The following SYNE1 variants were observed in gnomAD, a reference collection of about 807,000 sequenced individuals.
SYNE1 encodes nesprin-1.
In SYNE1, 616 loss-of-function variants were observed where a neutral mutation model predicts 1,111.0. The ratio of observed to expected loss-of-function variants is 0.55; its 90% CI spans 0.52 to 0.59. The LOEUF is 0.59. SYNE1 is among the 20% of genes least tolerant of loss of function. The pLI, the probability that SYNE1 is intolerant of heterozygous loss-of-function variation, is 0.00. For synonymous variants in SYNE1, 3,855 were observed against 3,825.8 expected, an observed-to-expected ratio of 1.01 and a Z score of -0.28; for missense variants, 10,006 against 10,417.0, an observed-to-expected ratio of 0.96 and a Z score of 1.72.
At chr6:152,267,005 C>G (rs771872147) in intron 100 of SYNE1, among the ~76,000 whole-genome samples, 8 of 152,146 alleles carry the variant, frequency 5.3e-5, no homozygotes, top group Non-Finnish European at 1.0e-4. Context: ...CTTTATATCA[C>G]ATTTTTACTT....
At chr6:152,204,765 G>A (rs552676685) in intron 126 of SYNE1, among the ~76,000 whole-genome samples, 76 of 152,122 alleles carry the variant, frequency 5.0e-4, no homozygotes, top group Non-Finnish European at 7.9e-4. Context: ...AATGTCATGA[G>A]CCTGCAAATA....
chr6:152,469,669 A>AAATTTTTTTTAC (rs2098794032), intron 16 of SYNE1, among the ~76,000 whole-genome samples: 1 of 152,228 alleles, frequency 6.6e-6, no homozygotes, highest in Non-Finnish European at 1.5e-5. Flanking sequence ...GTTAAGTTAA[A>AAATTTTTTTTAC]AATTTTTTTT....
chr6:152,352,696 G>T (rs553719594), intron 69 of SYNE1, among the ~76,000 whole-genome samples: 1 of 152,296 alleles, frequency 6.6e-6, no homozygotes, highest in African/African-American at 2.4e-5. Context: ...GAGCCACTGT[G>T]CCTGGCCATT....
chr6:152,565,981 AG>A (rs1412533984), intron 3 of SYNE1, among the ~76,000 whole-genome samples: 2 of 152,250 alleles, frequency 1.3e-5, no homozygotes, highest in African/African-American at 4.8e-5. Flanking sequence ...TGATGGGAGC[AG>A]AGGGCACAGG....
At chr6:152,424,184 G>C (rs1309165136) in intron 39 of SYNE1, among the ~76,000 whole-genome samples, 2 of 152,318 alleles carry the variant, frequency 1.3e-5, no homozygotes, top group East Asian at 3.9e-4. Flanking sequence ...TAGGTGATTG[G>C]AGATCAGAAT....
At chr6:152,450,862 C>T in intron 26 of SYNE1, 29 bp from the exon 27 acceptor site, 1 of 1,609,686 alleles carries the variant, frequency 6.2e-7, no homozygotes, top group Non-Finnish European at 8.5e-7. Context: ...TTTTATAATC[C>T]CTGTGAGAAG....
chr6:152,450,258 G>C (rs2098636738), intron 27 of SYNE1, among the ~76,000 whole-genome samples: 1 of 152,184 alleles, frequency 6.6e-6, no homozygotes, highest in South Asian at 2.1e-4. Flanking sequence ...CTTCTGGCAT[G>C]ATTGTAAGTT....
In SYNE1 at chr6:152,201,473, C is replaced by CT. The variant is rs199617709; in HGVS notation, c.23145+350dup. 4.2e-3 allele frequency among the ~76,000 whole-genome samples: 583 copies of CT among 140,406 alleles called. 5 individuals are homozygous for CT. Among genetic ancestry groups the CT allele is most frequent in the African/African-American group, 0.013 (511 of 38,568 alleles). 92.1% of individuals were successfully genotyped at this position (140,406 alleles called of 152,430 possible). A position where few individuals can be genotyped will look rare whatever the true frequency, so the allele number is the denominator to read the frequency against. On this transcript the variant is annotated intron_variant, in intron 127 of 145. Coordinates refer to ENST00000367255, the MANE Select transcript of SYNE1 (RefSeq NM_182961.4). ...CTGCAGATTTTCCAGGCTGTTGATC[C>CT]TTTTTTTTTTTTTTCCTTCTTGTAG...
chr6:152,391,655 G>A, intron 51 of SYNE1, 87 bp from the exon 52 acceptor site: 1 of 1,445,192 alleles, frequency 6.9e-7, no homozygotes, highest in Non-Finnish European at 9.2e-7. Context: ...TGTTGATATT[G>A]GAGCAGTAAC....
chr6:152,453,508 C>T (rs749314573), intron 25 of SYNE1, 78 bp downstream of exon 25: 13 of 1,607,818 alleles, frequency 8.1e-6, no homozygotes, highest in South Asian at 7.7e-5. Flanking sequence ...CTAAATTTCT[C>T]TTACATTTGG....
At chr6:152,430,775 A>G in intron 34 of SYNE1, 66 bp from the exon 35 acceptor site, 1 of 1,389,416 alleles carries the variant, frequency 7.2e-7, no homozygotes, top group Non-Finnish European at 1.0e-6. Context: ...AAATGATACA[A>G]TTATCTGCAA....
intron 14 of SYNE1, among the ~76,000 whole-genome samples, chr6:152,477,384 A>T (rs2098841276): frequency 1.3e-5 from 2 of 152,300 alleles, no homozygotes; most frequent in South Asian, 4.1e-4. Flanking sequence ...GGGACCTTTT[A>T]GTAAAGGCCT....
chr6:152,431,724 C>T (rs1487157247), intron 34 of SYNE1, among the ~76,000 whole-genome samples: 6 of 152,014 alleles, frequency 3.9e-5, no homozygotes, highest in African/African-American at 7.2e-5. Context: ...AGATGAGACA[C>T]CATAGTCAGA....
intron 137 of SYNE1, chr6:152,146,024 CAAAAAAAAAAAAAAAA>C: frequency 2.1e-5 from 1 of 48,384 alleles, no homozygotes; most frequent in South Asian, 1.1e-3. Flanking sequence ...GACTTCGTCT[CAAAAAAAAAAAAAAAA>C]AAAAAAAAAA....
intron 97 of SYNE1, among the ~76,000 whole-genome samples, chr6:152,280,680 C>T (rs1360979867): frequency 6.6e-6 from 1 of 152,124 alleles, no homozygotes; most frequent in Non-Finnish European, 1.5e-5. Flanking sequence ...TATGATAAAA[C>T]ATAACTTTGA....
chr6:152,430,116 T>C lies in SYNE1; in HGVS notation c.4784A>G (p.His1595Arg). Residue 1595 changes from histidine (H) to arginine (R), a missense_variant, in exon 36 of 146, where the codon CAT becomes CGT. His to Arg is a conservative substitution (Grantham distance 29). Transcript: ENST00000367255. ...ATETYKVLQE[H>R]MDLCQALESL... Reference sequence around the variant, plus strand: ...AATGTTGAAGCATACTCTTACCATATGTTCTTGAAGAACTTTGTATGTTTC... The same window carrying C: ...AATGTTGAAGCATACTCTTACCATACGTTCTTGAAGAACTTTGTATGTTTC... The C allele has an allele frequency of 6.3e-7, 1 of 1,586,620 alleles. No homozygotes were observed. The highest frequency in any genetic ancestry group is 1.1e-5 in the South Asian group (1 of 89,042).
At chr6:152,632,273 T>C (rs943132337) in intron 2 of SYNE1, among the ~76,000 whole-genome samples, 9 of 152,200 alleles carry the variant, frequency 5.9e-5, no homozygotes, top group African/African-American at 2.2e-4. Context: ...TTTACATTTA[T>C]GAGAAAATCC....
rs920151074 is a variant in SYNE1, at chr6:152,122,089, C to T, written c.*347G>A. On this transcript the variant is annotated 3_prime_UTR_variant, in exon 146 of 146. Coordinates refer to ENST00000367255, the MANE Select transcript of SYNE1 (RefSeq NM_182961.4). Reference sequence around the variant, plus strand: ...TTGGAGCAGCACCATGGGAAAGCTGCCCAGATGGTCTACTGAAGTCCTTGG... The same window carrying T: ...TTGGAGCAGCACCATGGGAAAGCTGTCCAGATGGTCTACTGAAGTCCTTGG... The T allele has an allele frequency of 7.5e-5, 27 of 362,038 alleles. No homozygotes were observed. The highest frequency in any genetic ancestry group is 1.1e-4 in the Non-Finnish European group (20 of 188,500). The allele number at this position is 362,038 out of a possible 1,614,324, so 22.4% of individuals were successfully genotyped here. A position where few individuals can be genotyped will look rare whatever the true frequency, so the allele number is the denominator to read the frequency against.
At chr6:152,224,876 G>C (rs995043853) in intron 116 of SYNE1, among the ~76,000 whole-genome samples, 1 of 146,064 alleles carries the variant, frequency 6.8e-6, no homozygotes. Flanking sequence ...AGTTCTAAGT[G>C]GAAATGCTTA....
Sources: gnomAD v4.1 joint callset for allele counts (sites outside exome capture counted in the v4.1 genomes callset) on GRCh38, gnomAD v4.1.1 for gene constraint, MANE v1.5 for transcripts, NCBI Gene and HGNC (gene_info 2026-07-23, HGNC 2026-07-21) for gene names.